The following INPP5B variants were observed in gnomAD, a reference collection of about 807,000 sequenced individuals.
INPP5B encodes type II inositol 1,4,5-trisphosphate 5-phosphatase.
Under a neutral mutation model 118.5 loss-of-function variants are expected in INPP5B, and 90 were observed. The ratio of observed to expected loss-of-function variants is 0.76; its 90% CI spans 0.64 to 0.90. The LOEUF is 0.90. Among genes scored for constraint, INPP5B ranks in the 40% least tolerant of loss-of-function variants. The probability of loss-of-function intolerance (pLI) is 0.00; values close to 1 mark genes in which losing one functional copy is unlikely to be tolerated. For missense variants in INPP5B, 984 were observed against 1,125.6 expected (o/e 0.87, Z 1.80); for synonymous variants, 385 against 418.9 (o/e 0.92, Z 0.99).
chr1:37,862,801 G>A (rs960369712), intron 23 of INPP5B, among the ~76,000 whole-genome samples: 1 of 152,194 alleles, frequency 6.6e-6, no homozygotes, highest in African/African-American at 2.4e-5. Flanking sequence ...GCCAAAGCGG[G>A]CAGATCACTA....
At chr1:37,886,319 T>C (rs1456557851) in intron 12 of INPP5B, among the ~76,000 whole-genome samples, 10 of 150,096 alleles carry the variant, frequency 6.7e-5, no homozygotes, top group Non-Finnish European at 5.9e-5. Context: ...ATGGCAAAGC[T>C]GAATCCACAA....
chr1:37,873,208 A>G (rs1642576076), intron 18 of INPP5B, 43 bp from the exon 19 acceptor site: 1 of 1,423,722 alleles, frequency 7.0e-7, no homozygotes, highest in Non-Finnish European at 9.9e-7. Flanking sequence ...GGGGCAGGCC[A>G]AGAGGAAAGG....
At chr1:37,936,226 C>A (rs1445477507) in intron 6 of INPP5B, among the ~76,000 whole-genome samples, 1 of 152,152 alleles carries the variant, frequency 6.6e-6, no homozygotes, top group African/African-American at 2.4e-5. Context: ...CAAGTTCAGT[C>A]CCCACCAAAG....
At chr1:37,939,039 C>A (rs1254206668) in intron 6 of INPP5B, among the ~76,000 whole-genome samples, 1 of 151,794 alleles carries the variant, frequency 6.6e-6, no homozygotes, top group Non-Finnish European at 1.5e-5. Context: ...ACCAAAAATC[C>A]AAAAATCAGC....
In INPP5B at chr1:37,864,486, T is replaced by C. The variant is rs1641907761; in HGVS notation, c.2515-63A>G. 9.1e-6 allele frequency: 9 copies of C among 984,616 alleles called. No individual in the cohort carries two copies. The Admixed American group carries it at 1.5e-4, about 17-fold the overall frequency. The allele number at this position is 984,616 out of a possible 1,614,324, so 61.0% of individuals were successfully genotyped here. A position where few individuals can be genotyped will look rare whatever the true frequency, so the allele number is the denominator to read the frequency against. On this transcript the variant is annotated intron_variant, in intron 22 of 23. Coordinates refer to ENST00000373024, the MANE Select transcript of INPP5B (RefSeq NM_005540.3). ...TGAATCATTTCTCAAGTGCCTACTA[T>C]AGTCCAAGAACTGTATACACGATCC...
At chr1:37,944,604 T>A (rs1010798373) in intron 3 of INPP5B, among the ~76,000 whole-genome samples, 3 of 151,502 alleles carry the variant, frequency 2.0e-5, no homozygotes, top group African/African-American at 7.3e-5. Context: ...TCTTGTTTTT[T>A]TTTTTATAGA....
chr1:37,871,184 G>A (rs1642403341), intron 19 of INPP5B, among the ~76,000 whole-genome samples: 1 of 141,430 alleles, frequency 7.1e-6, no homozygotes, highest in Non-Finnish European at 1.5e-5. Flanking sequence ...AAGGCCGGGC[G>A]CAGTGGCTCA....
Position 37,872,798 on chromosome 1 carries a change from G to C in INPP5B, c.2187+132C>G, listed in dbSNP as rs982720629. The stretch of plus-strand genomic sequence containing the variant: ...ATGGTTTGTAGCACAGCAATATACA[G>C]CTGATACACTAAGCAAGCTCTAGGA... On this transcript the variant is annotated intron_variant, in intron 19 of 23. Transcript: ENST00000373024. 6 of 672,816 alleles carry C rather than the reference G, an allele frequency of 8.9e-6. No homozygotes were observed. In the Admixed American group the frequency reaches 1.3e-4, roughly 15 times the overall value. The allele number at this position is 672,816 out of a possible 1,614,324, so 41.7% of individuals were successfully genotyped here.
intron 13 of INPP5B, 42 bp from the exon 14 acceptor site, chr1:37,882,960 C>T (rs911846478): frequency 1.2e-6 from 2 of 1,612,426 alleles, no homozygotes; most frequent in Non-Finnish European, 1.7e-6. Flanking sequence ...TTAGGAGGAA[C>T]TTTAACCTGA....
intron 6 of INPP5B, among the ~76,000 whole-genome samples, chr1:37,939,313 G>A (rs1300997039): frequency 4.7e-5 from 7 of 149,780 alleles, no homozygotes; most frequent in East Asian, 4.0e-4. Context: ...GCAGTGAGCC[G>A]AGATCGCGCC....
intron 19 of INPP5B, among the ~76,000 whole-genome samples, chr1:37,871,128 A>C (rs1642393952): frequency 7.0e-6 from 1 of 142,424 alleles, no homozygotes. Flanking sequence ...ACTGCACTCC[A>C]GCCTGGGTGA....
intron 7 of INPP5B, among the ~76,000 whole-genome samples, chr1:37,896,987 G>A (rs1189691186): frequency 1.8e-5 from 2 of 112,494 alleles, no homozygotes; most frequent in Admixed American, 7.8e-5. Flanking sequence ...GAGGTGGGGG[G>A]GTCAGCCCCC....
At chr1:37,912,935 G>T (rs1350248211) in intron 7 of INPP5B, among the ~76,000 whole-genome samples, 1 of 135,098 alleles carries the variant, frequency 7.4e-6, no homozygotes, top group African/African-American at 2.9e-5. Flanking sequence ...CAGAGGCCTC[G>T]ACTTACTCAC....
In INPP5B at chr1:37,861,153, T is replaced by C. The variant is rs1284035995; in HGVS notation, c.*1162A>G. 6.6e-6 allele frequency: 1 copy of C among 152,244 alleles called. No individual in the cohort carries two copies. The highest frequency in any genetic ancestry group is 1.5e-5 in the Non-Finnish European group (1 of 68,062). 9.4% of individuals were successfully genotyped at this position (152,244 alleles called of 1,614,324 possible). On this transcript the variant is annotated 3_prime_UTR_variant, in exon 24 of 24. Coordinates refer to ENST00000373024, the MANE Select transcript of INPP5B (RefSeq NM_005540.3). ...CATTTTAATTTTTTAAATGCCTGTA[T>C]TGCCCTCAGAGGCTGAGCAACCAGC... is the stretch of plus-strand genomic sequence containing the variant.
In INPP5B at chr1:37,864,296, A is replaced by G. The variant is rs1184888447; in HGVS notation, c.2626+16T>C. On this transcript the variant is annotated intron_variant, in intron 23 of 23. Transcript: ENST00000373024. ...CAGTTTGCAGAAATGCTTTCCATAG[A>G]CATTTGGCTGCTTACCTAGAATATT... The G allele has an allele frequency of 7.1e-7, 1 of 1,409,274 alleles. No individual in the cohort carries two copies. Among genetic ancestry groups the G allele is most frequent in the Non-Finnish European group, 1.0e-6 (1 of 997,758 alleles). The allele number at this position is 1,409,274 out of a possible 1,614,324, so 87.3% of individuals were successfully genotyped here.
chr1:37,876,013 C>T (rs1642776818), intron 16 of INPP5B, among the ~76,000 whole-genome samples: 1 of 152,108 alleles, frequency 6.6e-6, no homozygotes, highest in Non-Finnish European at 1.5e-5. Context: ...AAATGCTTGC[C>T]CAGTACCTAG....
rs1419158999 is a variant in INPP5B, at chr1:37,943,758, A to G, written c.250+38T>C. On this transcript the variant is annotated intron_variant, in intron 4 of 23. Coordinates refer to ENST00000373024, the MANE Select transcript of INPP5B (RefSeq NM_005540.3). ...AGGACAAAGATGAGCTGGGGGGCCC[A>G]TAGGAGAGGATTCATACCACCCAGC... 1.9e-6 allele frequency: 3 copies of G among 1,609,914 alleles called. No individual in the cohort carries two copies. In the East Asian group the frequency reaches 6.7e-5, roughly 36 times the overall value.
At chr1:37,896,175 G>C (rs1373914472) in intron 7 of INPP5B, among the ~76,000 whole-genome samples, 1 of 150,950 alleles carries the variant, frequency 6.6e-6, no homozygotes, top group African/African-American at 2.4e-5. Flanking sequence ...GCCCCGTCCG[G>C]GATGTGAGGA....
At chr1:37,938,241 C>T (rs1053280870) in intron 6 of INPP5B, among the ~76,000 whole-genome samples, 1 of 149,876 alleles carries the variant, frequency 6.7e-6, no homozygotes, top group African/African-American at 2.5e-5. Context: ...TGCACTCTAG[C>T]CTGGGCAACA....
Sources: gnomAD v4.1 joint callset for allele counts (sites outside exome capture counted in the v4.1 genomes callset) on GRCh38, gnomAD v4.1.1 for gene constraint, MANE v1.5 for transcripts, NCBI Gene and HGNC (gene_info 2026-07-23, HGNC 2026-07-21) for gene names.